The following CDKN2A variants were observed in gnomAD, a reference collection of about 807,000 sequenced individuals.
CDKN2A encodes cyclin dependent kinase inhibitor 2A.
Under a neutral mutation model 11.1 loss-of-function variants are expected in CDKN2A, and 3 were observed. That is an observed-to-expected ratio of 0.27 (90% CI 0.12 to 0.70). The LOEUF is 0.70. Ranked by LOEUF, CDKN2A falls within the 30% of genes least tolerant of loss-of-function variation. The pLI, the probability that CDKN2A is intolerant of heterozygous loss-of-function variation, is 0.77. For missense variants in CDKN2A, 265 were observed against 233.6 expected (o/e 1.13, Z -0.88); for synonymous variants, 122 against 108.1 (o/e 1.13, Z -0.80).
At chr9:21,981,801 C>T (rs116303330) in intron 2 of CDKN2A, among the ~76,000 whole-genome samples, 22 of 152,002 alleles carry the variant, frequency 1.4e-4, no homozygotes, top group South Asian at 1.0e-3. Flanking sequence ...GCATTTTAAA[C>T]GGGAAAGAAA....
chr9:21,970,244 G>A (rs1819643092), intron 2 of CDKN2A: 1 of 237,402 alleles, frequency 4.2e-6, no homozygotes, highest in African/African-American at 2.2e-5. Context: ...TACCTTCATC[G>A]CTCAGCGATC....
rs566218024 is a variant in CDKN2A, at chr9:21,991,695, T to G, written c.-4+2187A>C. On this transcript the variant is annotated intron_variant, in intron 2 of 3. Transcript: ENST00000494262. This position sits in a 1 kb window ranked among gnomAD's most constrained non-coding sequence, Gnocchi z 5.2. ...GGAATAATAGATCTGTAAACCATCA[T>G]AGACGGTAATAGGCTATGTTGTTGC... 21 of 982,744 alleles carry G rather than the reference T, an allele frequency of 2.1e-5. No individual in the cohort carries two copies. In the South Asian group the frequency reaches 9.4e-4, roughly 44 times the overall value. The allele number at this position is 982,744 out of a possible 1,614,324, so 60.9% of individuals were successfully genotyped here. A position where few individuals can be genotyped will look rare whatever the true frequency, so the allele number is the denominator to read the frequency against.
In CDKN2A at chr9:21,982,717, T is replaced by C. The variant is rs1174541114; in HGVS notation, c.-4+11165A>G. Among the ~76,000 whole-genome samples the C allele has an allele frequency of 2.0e-5, 3 of 151,998 alleles. No individual in the cohort carries two copies. The East Asian group carries it at 5.8e-4, about 29-fold the overall frequency. On this transcript the variant is annotated intron_variant, in intron 2 of 3. Transcript: ENST00000494262. Reference sequence around the variant, plus strand: ...GATAGGCAGAAAGAAATAGAGATAATAAAAAATTCATTAAAAGTTGCCAAG... The same window carrying C: ...GATAGGCAGAAAGAAATAGAGATAACAAAAAATTCATTAAAAGTTGCCAAG...
chr9:21,992,997 AG>A (rs1820466738), intron 2 of CDKN2A, among the ~76,000 whole-genome samples: 1 of 152,238 alleles, frequency 6.6e-6, no homozygotes. Flanking sequence ...TTTATCCTAT[AG>A]ATTATAAATT....
intron 2 of CDKN2A, among the ~76,000 whole-genome samples, chr9:21,993,172 C>T (rs1318859078): frequency 6.6e-6 from 1 of 152,202 alleles, no homozygotes; most frequent in Non-Finnish European, 1.5e-5. Flanking sequence ...ACCACAAGGA[C>T]GGTCATAAAA....
upstream of CDKN2A, among the ~76,000 whole-genome samples, chr9:21,976,271 C>T (rs1820026763): frequency 6.6e-6 from 1 of 151,374 alleles, no homozygotes; most frequent in Non-Finnish European, 1.5e-5. Flanking sequence ...TCCAGCTACT[C>T]AGGAGGCTGA....
At position 21,974,541 on chromosome 9, in the gene CDKN2A, A is replaced by C. The variant is rs1587338978; in HGVS notation, c.150+137T>G. 1 of 1,613,048 alleles carries C rather than the reference A, an allele frequency of 6.2e-7. No homozygotes were observed. Among genetic ancestry groups the C allele is most frequent in the Non-Finnish European group, 8.5e-7 (1 of 1,179,928 alleles). On this transcript the variant is annotated intron_variant, in intron 1 of 2. Coordinates refer to ENST00000304494, the MANE Select transcript of CDKN2A (RefSeq NM_000077.5). The surrounding 1 kb of genome is among the most constrained non-coding windows in gnomAD (Gnocchi z 5.2). Reference sequence around the variant, plus strand: ...GCCAGGAGGAGGTCTGTGATTACAAACCCCTTCTGAAAACTCCCCAGGAAG... The same window carrying C: ...GCCAGGAGGAGGTCTGTGATTACAACCCCCTTCTGAAAACTCCCCAGGAAG...
chr9:21,970,532 G>T (rs998847870), intron 2 of CDKN2A: 5 of 509,596 alleles, frequency 9.8e-6, no homozygotes, highest in African/African-American at 9.6e-5. Context: ...AAACAGACCT[G>T]GTAAGTGGAT....
At position 21,991,599 on chromosome 9, in the gene CDKN2A, G is replaced by A. The variant is rs1820431590; in HGVS notation, c.-4+2283C>T. 8.4e-6 allele frequency: 8 copies of A among 948,092 alleles called. No individual in the cohort carries two copies. The highest frequency in any genetic ancestry group is 6.2e-5 in the Admixed American group (1 of 16,236). 58.7% of individuals were successfully genotyped at this position (948,092 alleles called of 1,614,324 possible). A position where few individuals can be genotyped will look rare whatever the true frequency, so the allele number is the denominator to read the frequency against. Reference sequence around the variant, plus strand: ...ACCATTTGTATCACTTTAGTAATAGGAGTTTTTCATATGTTGGGAAAATGG... The same window carrying A: ...ACCATTTGTATCACTTTAGTAATAGAAGTTTTTCATATGTTGGGAAAATGG... On this transcript the variant is annotated intron_variant, in intron 2 of 3. Transcript: ENST00000494262. The surrounding 1 kb of genome is among the most constrained non-coding windows in gnomAD (Gnocchi z 5.2).
chr9:21,981,959 G>C (rs1820207723), intron 2 of CDKN2A, among the ~76,000 whole-genome samples: 1 of 152,174 alleles, frequency 6.6e-6, no homozygotes, highest in South Asian at 2.1e-4. Flanking sequence ...GTCCCTGGGA[G>C]TAGATCTCTA....
At chr9:21,992,116 A>G in intron 2 of CDKN2A, 1 of 830,666 alleles carries the variant, frequency 1.2e-6, no homozygotes, top group Non-Finnish European at 1.5e-6. Flanking sequence ...AAAAGTCATA[A>G]TAAACATATT....
upstream of CDKN2A, among the ~76,000 whole-genome samples, chr9:21,975,912 G>A (rs145055548): frequency 2.0e-5 from 3 of 152,288 alleles, no homozygotes; most frequent in African/African-American, 7.2e-5. Flanking sequence ...AATTATAAAG[G>A]GGGAAGGGAA....
At chr9:21,978,688 T>C (rs1476641321), upstream of CDKN2A, among the ~76,000 whole-genome samples, 1 of 152,344 alleles carries the variant, frequency 6.6e-6, no homozygotes, top group Non-Finnish European at 1.5e-5. Context: ...AATTTAAACC[T>C]GTCTTAATTC....
In CDKN2A at chr9:21,968,892, A is replaced by G; in HGVS notation, c.458-650T>C. The G allele has an allele frequency of 1.1e-6, 1 of 938,596 alleles. No homozygotes were observed. Among genetic ancestry groups the G allele is most frequent in the South Asian group, 1.4e-5 (1 of 70,426 alleles). The allele number at this position is 938,596 out of a possible 1,614,324, so 58.1% of individuals were successfully genotyped here. Reference sequence around the variant, plus strand: ...TCCCGAGGCAGCATTTACACTTGAGAGTCTCAAGATTATTTTATTCCTGAG... The same window carrying G: ...TCCCGAGGCAGCATTTACACTTGAGGGTCTCAAGATTATTTTATTCCTGAG... On this transcript the variant is annotated intron_variant, in intron 2 of 2. Transcript: ENST00000304494. The surrounding 1 kb of genome is among the most constrained non-coding windows in gnomAD (Gnocchi z 4.7).
At position 21,968,895 on chromosome 9, in the gene CDKN2A, C is replaced by T. The variant is rs942607237; in HGVS notation, c.458-653G>A. On this transcript the variant is annotated intron_variant, in intron 2 of 2. Transcript: ENST00000304494. This position sits in a 1 kb window ranked among gnomAD's most constrained non-coding sequence, Gnocchi z 4.7. Reference sequence around the variant, plus strand: ...CGAGGCAGCATTTACACTTGAGAGTCTCAAGATTATTTTATTCCTGAGGGA... The same window carrying T: ...CGAGGCAGCATTTACACTTGAGAGTTTCAAGATTATTTTATTCCTGAGGGA... The T allele has an allele frequency of 3.6e-5, 33 of 924,020 alleles. No individual in the cohort carries two copies. In the South Asian group the frequency reaches 4.6e-4, roughly 13 times the overall value. The allele number at this position is 924,020 out of a possible 1,614,324, so 57.2% of individuals were successfully genotyped here.
In CDKN2A at chr9:21,968,531, A is replaced by G. The variant is rs1394875885; in HGVS notation, c.458-289T>C. 6.9e-7 allele frequency: 1 copy of G among 1,450,402 alleles called. No individual in the cohort carries two copies. The highest frequency in any genetic ancestry group is 1.4e-5 in the African/African-American group (1 of 70,086). The allele number at this position is 1,450,402 out of a possible 1,614,324, so 89.8% of individuals were successfully genotyped here. ...CGACCGCGCGGCCCGCAGGGTTGCA[A>G]GAAGAAAACGAGTGTTATATAATGA... On this transcript the variant is annotated intron_variant, in intron 2 of 2. Transcript: ENST00000304494. The surrounding 1 kb of genome is among the most constrained non-coding windows in gnomAD (Gnocchi z 4.7).
intron 2 of CDKN2A, among the ~76,000 whole-genome samples, chr9:21,993,134 T>C (rs1222148759): frequency 1.3e-5 from 2 of 152,246 alleles, no homozygotes; most frequent in Non-Finnish European, 2.9e-5. Flanking sequence ...CCTTTGCTTT[T>C]TGAAGCTATA....
chr9:21,986,063 C>T (rs1052373888), intron 2 of CDKN2A, among the ~76,000 whole-genome samples: 8 of 151,932 alleles, frequency 5.3e-5, no homozygotes, highest in Non-Finnish European at 1.2e-4. Flanking sequence ...CCTCTTATTA[C>T]GGGACTACCA....
At chr9:21,986,944 G>C (rs1048818954) in intron 2 of CDKN2A, among the ~76,000 whole-genome samples, 20 of 152,012 alleles carry the variant, frequency 1.3e-4, no homozygotes, top group African/African-American at 4.6e-4. Flanking sequence ...TACAATTGCT[G>C]AGTCAGATGA....
Sources: allele counts gnomAD v4.1 joint callset (sites outside exome capture counted in the v4.1 genomes callset), GRCh38; gene constraint gnomAD v4.1.1; non-coding constraint Gnocchi (gnomAD v3.1); transcripts MANE v1.5; gene names NCBI Gene and HGNC (gene_info 2026-07-23, HGNC 2026-07-21).